Variants in GLCE observed in about 807,000 individuals in gnomAD.
GLCE encodes glucuronic acid epimerase.
Under a neutral mutation model 47.9 loss-of-function variants are expected in GLCE, and 19 were observed. That is an observed-to-expected ratio of 0.40 (90% CI 0.28 to 0.58). GLCE has a LOEUF of 0.58. Ranked by LOEUF, GLCE falls within the 20% of genes least tolerant of loss-of-function variation. The pLI is 0.48. For synonymous variants in GLCE, 245 were observed against 263.4 expected (o/e 0.93, Z 0.68); for missense variants, 556 against 743.3 (o/e 0.75, Z 2.93).
chr15:69,260,515 C>A (rs1325990856), intron 3 of GLCE, among the ~76,000 whole-genome samples: 1 of 152,090 alleles, frequency 6.6e-6, no homozygotes, highest in Non-Finnish European at 1.5e-5. Flanking sequence ...CCACCTTGGC[C>A]TCCCAAAGTG....
chr15:69,238,675 C>T (rs1449792741), intron 2 of GLCE, among the ~76,000 whole-genome samples: 1 of 152,084 alleles, frequency 6.6e-6, no homozygotes, highest in Non-Finnish European at 1.5e-5. Flanking sequence ...GATTTTCATT[C>T]AGCACAAGCT....
At chr15:69,174,362 C>A (rs1035557563) in intron 1 of GLCE, among the ~76,000 whole-genome samples, 2 of 152,172 alleles carry the variant, frequency 1.3e-5, no homozygotes, top group African/African-American at 4.8e-5. Flanking sequence ...GTAATCCCAG[C>A]ACTTTGGGAG....
chr15:69,180,404 T>C (rs2051734084), intron 1 of GLCE, among the ~76,000 whole-genome samples: 1 of 151,776 alleles, frequency 6.6e-6, no homozygotes, highest in Non-Finnish European at 1.5e-5. Context: ...TTAAAAAAAA[T>C]GTAAGTTTAC....
chr15:69,161,788 G>A lies in GLCE; in HGVS notation c.-105+1031G>A, dbSNP rs545602722. Reference sequence around the variant, plus strand: ...GGCGCGCTGGTCTCGCTGGAGCTCCGGGAGCTAGAGTGGCAGCACCTTAGG... The same window carrying A: ...GGCGCGCTGGTCTCGCTGGAGCTCCAGGAGCTAGAGTGGCAGCACCTTAGG... On this transcript the variant is annotated intron_variant, in intron 1 of 4. Coordinates refer to ENST00000261858, the MANE Select transcript of GLCE (RefSeq NM_015554.3). 1.9e-4 allele frequency among the ~76,000 whole-genome samples: 29 copies of A among 152,284 alleles called. No homozygotes were observed. The South Asian group carries it at 5.6e-3, about 29-fold the overall frequency.
intron 1 of GLCE, among the ~76,000 whole-genome samples, chr15:69,164,527 G>A (rs2051474700): frequency 6.7e-6 from 1 of 149,472 alleles, no homozygotes; most frequent in Admixed American, 6.7e-5. Context: ...ATATACATAT[G>A]CCATATATGT....
rs116865740 is a variant in GLCE, at chr15:69,204,700, A to G, written c.-104-5616A>G. On this transcript the variant is annotated intron_variant, in intron 1 of 4. Transcript: ENST00000261858. Reference sequence around the variant, plus strand: ...ACTGACTGTAAATCAGTATTTTTAAAAGAGCTTTAATGAAAGTTCTTTTAT... The same window carrying G: ...ACTGACTGTAAATCAGTATTTTTAAGAGAGCTTTAATGAAAGTTCTTTTAT... Among the ~76,000 whole-genome samples, 208 of 152,278 alleles carry G rather than the reference A, an allele frequency of 1.4e-3. 3 individuals carry two copies. In the East Asian group the frequency reaches 0.034, roughly 25 times the overall value.
chr15:69,239,497 C>T (rs1224124502), intron 2 of GLCE, among the ~76,000 whole-genome samples: 1 of 152,106 alleles, frequency 6.6e-6, no homozygotes, highest in Non-Finnish European at 1.5e-5. Flanking sequence ...AATAGCAAAA[C>T]CTGTTCCTCA....
intron 3 of GLCE, among the ~76,000 whole-genome samples, chr15:69,259,594 C>T (rs1240680578): frequency 6.6e-6 from 1 of 152,096 alleles, no homozygotes; most frequent in African/African-American, 2.4e-5. Context: ...TCTCTTTTCC[C>T]ACTGAGTTTG....
At chr15:69,223,644 A>T (rs929553560) in intron 2 of GLCE, among the ~76,000 whole-genome samples, 1 of 152,136 alleles carries the variant, frequency 6.6e-6, no homozygotes, top group Non-Finnish European at 1.5e-5. Context: ...TTTCATCATT[A>T]TTCATGTGAT....
intron 1 of GLCE, among the ~76,000 whole-genome samples, chr15:69,165,726 T>C (rs982833638): frequency 3.3e-5 from 5 of 152,300 alleles, no homozygotes; most frequent in Middle Eastern, 3.4e-3. Context: ...ATTTGTCTTA[T>C]TACTTTTTGA....
At chr15:69,229,268 A>T (rs1020752030) in intron 2 of GLCE, among the ~76,000 whole-genome samples, 4 of 152,252 alleles carry the variant, frequency 2.6e-5, no homozygotes, top group African/African-American at 9.6e-5. Context: ...CAGAGCTAAA[A>T]TGAGTATGGC....
chr15:69,224,336 C>T (rs1315030183), intron 2 of GLCE, among the ~76,000 whole-genome samples: 23 of 152,172 alleles, frequency 1.5e-4, no homozygotes, highest in Admixed American at 1.4e-3. Flanking sequence ...ATTTTCTTTG[C>T]ATCTTTTCCT....
At chr15:69,237,310 TG>T (rs944561669) in intron 2 of GLCE, among the ~76,000 whole-genome samples, 67 of 152,236 alleles carry the variant, frequency 4.4e-4, no homozygotes, top group African/African-American at 1.5e-3. Context: ...AAAACCAATT[TG>T]GGGCTGGGTG....
Position 69,269,337 on chromosome 15 carries a change from G to A in GLCE, c.*93G>A. 3 of 994,514 alleles carry A rather than the reference G, an allele frequency of 3.0e-6. No homozygotes were observed. Among genetic ancestry groups the A allele is most frequent in the East Asian group, 2.4e-5 (1 of 41,730 alleles). The allele number at this position is 994,514 out of a possible 1,614,324, so 61.6% of individuals were successfully genotyped here. A position where few individuals can be genotyped will look rare whatever the true frequency, so the allele number is the denominator to read the frequency against. On this transcript the variant is annotated 3_prime_UTR_variant, in exon 5 of 5. Transcript: ENST00000261858. ...GCATAGGCACATTTTAAAAGGTTAT[G>A]TACTAGGTTTTTGTGGATTCTATCA...
At chr15:69,245,889 C>T (rs535914667) in intron 2 of GLCE, among the ~76,000 whole-genome samples, 18 of 152,132 alleles carry the variant, frequency 1.2e-4, no homozygotes, top group South Asian at 4.2e-4. Flanking sequence ...CCACCACGCC[C>T]GGCTAATTTT....
Position 69,268,927 on chromosome 15 carries a change from A to G in GLCE, c.1537A>G (p.Met513Val). 1.2e-6 allele frequency: 2 copies of G among 1,614,130 alleles called. No individual in the cohort carries two copies. Among genetic ancestry groups the G allele is most frequent in the East Asian group, 2.2e-5 (1 of 44,886 alleles). ...TAGCTCTTTTGTTTTAAATGGCTTTATGTATTCTTTAATTGGGCTGTATGA... is the reference window on the plus strand; with the variant it reads ...TAGCTCTTTTGTTTTAAATGGCTTTGTGTATTCTTTAATTGGGCTGTATGA... The part of the protein sequence containing the change: ...TPSSFVLNGF[M>V]YSLIGLYDLK... The change falls in exon 5 of 5, where the codon ATG (methionine) becomes GTG (valine). Residue 513 changes from methionine to valine, a missense_variant. By Grantham distance (21) the Met-to-Val change is conservative (BLOSUM62 1). This residue lies in a region of GLCE where 245 missense variants were observed against 368.1 expected (regional missense o/e 0.67). Coordinates refer to ENST00000261858, the MANE Select transcript of GLCE (RefSeq NM_015554.3).
In GLCE at chr15:69,271,241, C is replaced by G. The variant is rs1282030147; in HGVS notation, c.*1997C>G. The G allele has an allele frequency of 3.3e-5, 5 of 152,656 alleles. No homozygotes were observed. The highest frequency in any genetic ancestry group is 3.3e-4 in the Admixed American group (5 of 15,282). 9.5% of individuals were successfully genotyped at this position (152,656 alleles called of 1,614,324 possible). On this transcript the variant is annotated 3_prime_UTR_variant, in exon 5 of 5. Transcript: ENST00000261858. ...TGGTTTTACACTGCCTTCCACATTG[C>G]AACAGCAAGTTGATTTCTTGTGATC...
At chr15:69,191,196 T>G (rs1042697790) in intron 1 of GLCE, among the ~76,000 whole-genome samples, 2 of 152,180 alleles carry the variant, frequency 1.3e-5, no homozygotes, top group Non-Finnish European at 2.9e-5. Context: ...ATCATTTTTC[T>G]TCTGCAAAAA....
At chr15:69,220,289 A>G (rs1351331494) in intron 2 of GLCE, among the ~76,000 whole-genome samples, 1 of 152,142 alleles carries the variant, frequency 6.6e-6, no homozygotes, top group Non-Finnish European at 1.5e-5. Context: ...TTTGAGAAAC[A>G]GTCATACTGT....
Sources: gnomAD v4.1 joint callset for allele counts (sites outside exome capture counted in the v4.1 genomes callset) on GRCh38, gnomAD v4.1.1 for gene constraint, gnomAD v4.1.1 regional missense constraint, MANE v1.5 for transcripts, NCBI Gene and HGNC (gene_info 2026-07-23, HGNC 2026-07-21) for gene names.